The following SAMD5 variants were observed in gnomAD, a reference collection of about 807,000 sequenced individuals.
SAMD5 encodes sterile alpha motif domain containing 5, also known as sterile alpha motif domain-containing protein 5.
In SAMD5, 13 loss-of-function variants were observed where a neutral mutation model predicts 11.3. That is an observed-to-expected ratio of 1.15 (90% confidence interval 0.75 to 1.83). SAMD5 has a LOEUF of 1.83. SAMD5 is among the 40% of genes most tolerant of loss of function. SAMD5 has a pLI of 0.00. For synonymous variants in SAMD5, 129 were observed against 111.3 expected (o/e 1.16, Z -1.00); for missense variants, 255 against 239.1 (o/e 1.07, Z -0.44).
At chr6:147,625,226 T>G (rs916742771) in intron 1 of SAMD5, among the ~76,000 whole-genome samples, 1 of 152,180 alleles carries the variant, frequency 6.6e-6, no homozygotes. Context: ...CTGCTCATAT[T>G]TAGTGCTTCA....
intron 1 of SAMD5, among the ~76,000 whole-genome samples, chr6:147,663,743 G>C (rs1420535731): frequency 7.5e-6 from 1 of 132,506 alleles, no homozygotes; most frequent in Non-Finnish European, 1.5e-5. Context: ...AGTGAGCAGA[G>C]ATCCTGTCAC....
the SAMD5 span, among the ~76,000 whole-genome samples, chr6:147,797,948 T>G: frequency 6.6e-6 from 1 of 151,240 alleles, no homozygotes; most frequent in South Asian, 2.1e-4. Context: ...TCTATTTGAT[T>G]CTTCTCTCTT....
chr6:147,564,972 T>C lies in SAMD5; in HGVS notation c.*516T>C, dbSNP rs749825332. On this transcript the variant is annotated 3_prime_UTR_variant, in exon 2 of 2. Transcript: ENST00000367474. ...TTTTATAAGATAAGATACATAATTC[T>C]ATGTAGAATAGTTTGGTGAAGGAAT... The C allele has an allele frequency of 1.2e-6, 1 of 817,242 alleles. No individual in the cohort carries two copies. The highest frequency in any genetic ancestry group is 1.9e-5 in the African/African-American group (1 of 53,268). The allele number at this position is 817,242 out of a possible 1,614,324, so 50.6% of individuals were successfully genotyped here.
chr6:147,816,307 T>TAA, the SAMD5 span, among the ~76,000 whole-genome samples: 1 of 93,550 alleles, frequency 1.1e-5, no homozygotes, highest in African/African-American at 5.5e-5. Flanking sequence ...AAAAAATATA[T>TAA]ATATATATAT....
At chr6:147,534,487 C>T (rs188197108) in intron 1 of SAMD5, among the ~76,000 whole-genome samples, 2,564 of 152,278 alleles carry the variant, frequency 0.017, 53 homozygotes, top group South Asian at 0.065. Flanking sequence ...GAGTAATTCA[C>T]ACAGAGCCGG....
chr6:147,829,028 A>G, the SAMD5 span, among the ~76,000 whole-genome samples: 1 of 152,200 alleles, frequency 6.6e-6, no homozygotes, highest in African/African-American at 2.4e-5. Context: ...CCAACAAGGA[A>G]CATGAATATA....
At chr6:147,860,913 C>A in the SAMD5 span, among the ~76,000 whole-genome samples, 3 of 152,084 alleles carry the variant, frequency 2.0e-5, no homozygotes, top group Admixed American at 6.5e-5. Flanking sequence ...TCTCCATATA[C>A]AACAATAATG....
In SAMD5 at chr6:147,527,736, A is replaced by G. The variant is rs1788365043; in HGVS notation, c.459+18349A>G. ...TCCCTTTCACCTGTGAGCCTGTAAA[A>G]TCAAAAACTAGTTAGTTACTTCCAA... On this transcript the variant is annotated intron_variant, in intron 1 of 1. Transcript: ENST00000367474. Among the ~76,000 whole-genome samples, 6 of 152,188 alleles carry G rather than the reference A, an allele frequency of 3.9e-5. No homozygotes were observed. In the South Asian group the frequency reaches 1.2e-3, roughly 31 times the overall value.
At chr6:147,892,307 G>T in the SAMD5 span, among the ~76,000 whole-genome samples, 1 of 152,146 alleles carries the variant, frequency 6.6e-6, no homozygotes, top group Non-Finnish European at 1.5e-5. Context: ...TCTATTTTCA[G>T]AATTCAAACT....
intron 1 of SAMD5, chr6:147,660,714 T>A (rs918820937): frequency 6.6e-6 from 1 of 152,348 alleles, no homozygotes; most frequent in Non-Finnish European, 1.5e-5. Context: ...TCTCTTTTCC[T>A]CCTGCTCTGG....
intron 1 of SAMD5, among the ~76,000 whole-genome samples, chr6:147,736,842 G>A (rs1791810739): frequency 6.6e-6 from 1 of 152,084 alleles, no homozygotes; most frequent in African/African-American, 2.4e-5. Flanking sequence ...CCTTGAAGAT[G>A]CAAATTTTAA....
intron 1 of SAMD5, among the ~76,000 whole-genome samples, chr6:147,546,397 G>A (rs1165186788): frequency 6.6e-6 from 1 of 152,128 alleles, no homozygotes; most frequent in East Asian, 1.9e-4. Flanking sequence ...TGGTGTGGTG[G>A]CGCATGCCTG....
chr6:147,687,413 A>G (rs1791034231), intron 1 of SAMD5, among the ~76,000 whole-genome samples: 2 of 151,060 alleles, frequency 1.3e-5, no homozygotes, highest in African/African-American at 4.9e-5. Context: ...AGTAGCTGGG[A>G]CCACAGACAT....
chr6:147,900,545 G>C, the SAMD5 span, among the ~76,000 whole-genome samples: 2 of 152,222 alleles, frequency 1.3e-5, no homozygotes, highest in Non-Finnish European at 2.9e-5. Flanking sequence ...TAGGAGACAG[G>C]AGGCTAATGT....
In SAMD5 at chr6:147,579,454, A is replaced by ATTT. The variant is rs3031353; in HGVS notation, c.162+70094_162+70096dup. On this transcript the variant is annotated intron_variant, in intron 1 of 1. Transcript: ENST00000566741. Reference sequence around the variant, plus strand: ...GCGATAGTTTGGAAGCAGGCTTTGAATTTTTTTTTTTTTTTTTTTTTTTTT... The same window carrying ATTT: ...GCGATAGTTTGGAAGCAGGCTTTGAATTTTTTTTTTTTTTTTTTTTTTTTTTTT... Among the ~76,000 whole-genome samples the ATTT allele has an allele frequency of 1.9e-3, 147 of 76,956 alleles. 6 individuals are homozygous for ATTT. The highest frequency in any genetic ancestry group is 6.9e-3 in the African/African-American group (123 of 17,812). The allele number at this position is 76,956 out of a possible 152,430, so 50.5% of individuals were successfully genotyped here.
rs979835987 is a variant in SAMD5, at chr6:147,569,420, C to A, written c.*4964C>A. On this transcript the variant is annotated 3_prime_UTR_variant, in exon 2 of 2. Coordinates refer to ENST00000367474, the MANE Select transcript of SAMD5 (RefSeq NM_001030060.3). ...GAGCTAAGTAGTATTTTTTTCTTAA[C>A]AATTTTGCCAAAATTTCTTCTACTG... 3 of 962,758 alleles carry A rather than the reference C, an allele frequency of 3.1e-6. No individual in the cohort carries two copies. Among genetic ancestry groups the A allele is most frequent in the Non-Finnish European group, 3.7e-6 (3 of 809,466 alleles). 59.6% of individuals were successfully genotyped at this position (962,758 alleles called of 1,614,324 possible).
At chr6:147,607,678 G>A (rs959200176) in intron 1 of SAMD5, among the ~76,000 whole-genome samples, 3 of 152,116 alleles carry the variant, frequency 2.0e-5, no homozygotes, top group Non-Finnish European at 4.4e-5. Context: ...GACTTCAAAC[G>A]ATGAAACCAC....
the SAMD5 span, among the ~76,000 whole-genome samples, chr6:147,794,186 G>A: frequency 6.6e-6 from 1 of 151,988 alleles, no homozygotes; most frequent in African/African-American, 2.4e-5. Flanking sequence ...ATTCAAATCC[G>A]ATTATGTTTA....
At chr6:147,794,485 C>A in the SAMD5 span, among the ~76,000 whole-genome samples, 10 of 152,122 alleles carry the variant, frequency 6.6e-5, no homozygotes, top group African/African-American at 2.2e-4. Flanking sequence ...CATATAAATG[C>A]ATTTAATTTC....
Sources: allele counts gnomAD v4.1 joint callset (sites outside exome capture counted in the v4.1 genomes callset), GRCh38; gene constraint gnomAD v4.1.1; transcripts MANE v1.5; gene names NCBI Gene and HGNC (gene_info 2026-07-23, HGNC 2026-07-21).